Variants in WIF1 observed in about 807,000 individuals in gnomAD.
The protein encoded by WIF1 is Wnt inhibitory factor 1.
Under a neutral mutation model 53.5 loss-of-function variants are expected in WIF1, and 35 were observed. The ratio of observed to expected loss-of-function variants is 0.65; its 90% CI spans 0.50 to 0.87. WIF1 has a LOEUF of 0.87. WIF1 is among the 40% of genes least tolerant of loss of function. WIF1 has a pLI of 0.00. For synonymous variants in WIF1, 171 were observed against 170.4 expected, an observed-to-expected ratio of 1.00 and a Z score of -0.03; for missense variants, 467 against 476.8, an observed-to-expected ratio of 0.98 and a Z score of 0.19.
Position 65,051,451 on chromosome 12 carries a change from T to C in WIF1, c.1038A>G (p.Ile346Met), listed in dbSNP as rs61758377. The change falls in exon 10 of 10, where the codon ATA becomes ATG. Residue 346 changes from isoleucine (I) to methionine (M), a missense_variant. Ile to Met is a conservative substitution (Grantham distance 10, BLOSUM62 1). Transcript: ENST00000286574. ...GGGCGCCTGCTGGCCTCAGGGCATG[T>C]ATGAGGCTGGCTTCGTACCCTGCAA... Reference protein sequence around the residue: ...HCNKRYEASLIHALRPAGAQL... With the variant: ...HCNKRYEASLMHALRPAGAQL... The C allele has an allele frequency of 6.2e-7, 1 of 1,611,614 alleles. No individual in the cohort carries two copies. Among genetic ancestry groups the C allele is most frequent in the South Asian group, 1.1e-5 (1 of 90,578 alleles).
chr12:65,092,782 C>A (rs1009157706), intron 2 of WIF1, among the ~76,000 whole-genome samples: 1 of 151,912 alleles, frequency 6.6e-6, no homozygotes, highest in Non-Finnish European at 1.5e-5. Flanking sequence ...GGAAGCAATG[C>A]CTTAACCCAA....
Position 65,055,139 on chromosome 12 carries a change from G to A in WIF1, c.997C>T (p.His333Tyr). The stretch of plus-strand genomic sequence containing the variant: ...TCACTTTTATTGCAGTGTCTTCCAT[G>A]CCAACCTTCTTGACATTGGCATTTG... ...PNKCQCQEGW[H>Y]GRHCNKRYEA... The change falls in exon 9 of 10, where the codon CAT (histidine) becomes TAT (tyrosine). Residue 333 changes from histidine (H) to tyrosine (Y), a missense_variant. Coordinates refer to ENST00000286574, the MANE Select transcript of WIF1 (RefSeq NM_007191.5). 6.2e-7 allele frequency: 1 copy of A among 1,613,744 alleles called. No individual in the cohort carries two copies. The highest frequency in any genetic ancestry group is 8.5e-7 in the Non-Finnish European group (1 of 1,179,896).
At chr12:65,089,992 T>G (rs1883098998) in intron 2 of WIF1, among the ~76,000 whole-genome samples, 1 of 152,196 alleles carries the variant, frequency 6.6e-6, no homozygotes, top group African/African-American at 2.4e-5. Flanking sequence ...AAACTTTAAG[T>G]TAGTATAGTC....
chr12:65,094,833 A>G (rs996111144), intron 2 of WIF1, among the ~76,000 whole-genome samples: 1 of 151,696 alleles, frequency 6.6e-6, no homozygotes, highest in East Asian at 1.9e-4. Flanking sequence ...TCCCCACTCC[A>G]TCGTCACCTT....
rs770579854 is a variant in WIF1, at chr12:65,051,268, C to A, written c.*81G>T. ...GGCCAGTATTCTTAAGTGTAATGAA[C>A]ATTATTTGAACATTCAACACATGAA... On this transcript the variant is annotated 3_prime_UTR_variant, in exon 10 of 10. Coordinates refer to ENST00000286574, the MANE Select transcript of WIF1 (RefSeq NM_007191.5). The A allele has an allele frequency of 3.8e-5, 57 of 1,499,604 alleles. No individual in the cohort carries two copies. Among genetic ancestry groups the A allele is most frequent in the Non-Finnish European group, 4.7e-5 (53 of 1,117,614 alleles). 92.9% of individuals were successfully genotyped at this position (1,499,604 alleles called of 1,614,324 possible).
At chr12:65,064,919 A>C (rs574046504) in intron 6 of WIF1, among the ~76,000 whole-genome samples, 1 of 152,190 alleles carries the variant, frequency 6.6e-6, no homozygotes, top group East Asian at 1.9e-4. Context: ...AATCTGGAGG[A>C]TTTGCTTTAT....
chr12:65,056,989 T>C (rs1469820509), intron 7 of WIF1, among the ~76,000 whole-genome samples: 1 of 152,134 alleles, frequency 6.6e-6, no homozygotes, highest in Non-Finnish European at 1.5e-5. Flanking sequence ...TGAAAGTAAG[T>C]CTATACCTGT....
At chr12:65,083,193 G>A (rs1882974805) in intron 2 of WIF1, among the ~76,000 whole-genome samples, 1 of 152,152 alleles carries the variant, frequency 6.6e-6, no homozygotes, top group South Asian at 2.1e-4. Flanking sequence ...AGATTCACTG[G>A]GTATGAGAGG....
intron 2 of WIF1, among the ~76,000 whole-genome samples, chr12:65,090,065 A>G (rs1592397554): frequency 1.3e-5 from 2 of 152,302 alleles, no homozygotes; most frequent in African/African-American, 2.4e-5. Context: ...CTGACTTTCA[A>G]TGAAACAGAA....
chr12:65,083,685 A>G (rs977498503), intron 2 of WIF1: 5 of 315,512 alleles, frequency 1.6e-5, no homozygotes, highest in South Asian at 2.9e-5. Context: ...GCTCATGTGC[A>G]TGGAGCCTGG....
chr12:65,117,224 G>C (rs1883526042), intron 2 of WIF1, among the ~76,000 whole-genome samples: 1 of 152,070 alleles, frequency 6.6e-6, no homozygotes, highest in African/African-American at 2.4e-5. Flanking sequence ...TGAATCTCTG[G>C]ATGTAAAATT....
intron 9 of WIF1, 121 bp from the exon 10 acceptor site, chr12:65,051,591 T>A (rs1882443067): frequency 7.9e-7 from 1 of 1,262,602 alleles, no homozygotes. Context: ...AAAACCGCAA[T>A]GACCACAAAA....
intron 7 of WIF1, 44 bp downstream of exon 7, chr12:65,062,437 T>C (rs1257197131): frequency 1.1e-5 from 16 of 1,523,792 alleles, no homozygotes; most frequent in Non-Finnish European, 1.4e-5. Flanking sequence ...ATGGGGTTTC[T>C]AAGGTCTCCC....
In WIF1 at chr12:65,118,428, A is replaced by G. The variant is rs141783881; in HGVS notation, c.288+1989T>C. Among the ~76,000 whole-genome samples, 722 of 152,338 alleles carry G rather than the reference A, an allele frequency of 4.7e-3. 2 individuals are homozygous for G. The highest frequency in any genetic ancestry group is 0.016 in the African/African-American group (666 of 41,582). ...ACATAAAAAAATAATATTTTAAAGCATCTTGCTGCTTGGTATTGTGTAGAT... is the reference window on the plus strand; with the variant it reads ...ACATAAAAAAATAATATTTTAAAGCGTCTTGCTGCTTGGTATTGTGTAGAT... On this transcript the variant is annotated intron_variant, in intron 2 of 9. Coordinates refer to ENST00000286574, the MANE Select transcript of WIF1 (RefSeq NM_007191.5).
rs550801667 is a variant in WIF1, at chr12:65,068,880, A to G, written c.422T>C (p.Leu141Pro). Reference protein sequence around the residue: ...ASVVQVGFPCLGKQDGVAAFE... With the variant: ...ASVVQVGFPCPGKQDGVAAFE... ...TGCTGCCACCCCATCCTGTTTTCCAAGACATGGGAAACCAACTTGAACAAC... is the reference window on the plus strand; with the variant it reads ...TGCTGCCACCCCATCCTGTTTTCCAGGACATGGGAAACCAACTTGAACAAC... The change falls in exon 4 of 10, where the codon CTT (leucine) becomes CCT (proline). Residue 141 changes from leucine (L) to proline (P), a missense_variant. Transcript: ENST00000286574. 1 of 1,613,452 alleles carries G rather than the reference A, an allele frequency of 6.2e-7. No individual in the cohort carries two copies. Among genetic ancestry groups the G allele is most frequent in the African/African-American group, 1.3e-5 (1 of 75,006 alleles).
At chr12:65,103,181 T>C (rs1592402188) in intron 2 of WIF1, among the ~76,000 whole-genome samples, 2 of 152,234 alleles carry the variant, frequency 1.3e-5, no homozygotes, top group Admixed American at 6.5e-5. Context: ...GTTTGAATTA[T>C]TTTACTTTTG....
intron 7 of WIF1, among the ~76,000 whole-genome samples, chr12:65,056,401 T>TTA (rs1882527938): frequency 1.9e-5 from 2 of 102,894 alleles, no homozygotes; most frequent in Admixed American, 1.1e-4. Context: ...TTTTTTTTTT[T>TTA]TTTAAGTAAA....
intron 6 of WIF1, among the ~76,000 whole-genome samples, chr12:65,063,477 A>T (rs1014870361): frequency 3.9e-5 from 6 of 152,176 alleles, no homozygotes; most frequent in Non-Finnish European, 7.3e-5. Context: ...AAATTGGCCA[A>T]AATTGGCTAT....
intron 2 of WIF1, among the ~76,000 whole-genome samples, chr12:65,097,233 A>C (rs74099746): frequency 0.067 from 10,251 of 152,094 alleles, 565 homozygotes; most frequent in East Asian, 0.26. Context: ...GGCTTTATTA[A>C]TAGCTAGATG....
Sources: gnomAD v4.1 joint callset for allele counts (sites outside exome capture counted in the v4.1 genomes callset) on GRCh38, gnomAD v4.1.1 for gene constraint, MANE v1.5 for transcripts, NCBI Gene and HGNC (gene_info 2026-07-23, HGNC 2026-07-21) for gene names.